The following IQCN variants were observed in gnomAD, a reference collection of about 807,000 sequenced individuals.
IQCN encodes the protein IQ motif containing N.
Under a neutral mutation model 64.4 loss-of-function variants are expected in IQCN, and 46 were observed. That is an observed-to-expected ratio of 0.71 (90% confidence interval 0.56 to 0.91). IQCN has a LOEUF of 0.91. Among genes scored for constraint, IQCN ranks in the 40% least tolerant of loss-of-function variants. The pLI is 0.00. For missense variants in IQCN, 1,753 were observed against 1,857.4 expected, an observed-to-expected ratio of 0.94 and a Z score of 1.03; for synonymous variants, 733 against 775.6, an observed-to-expected ratio of 0.95 and a Z score of 0.91.
chr19:18,265,070 C>T lies in IQCN; in HGVS notation c.2470G>A (p.Ala824Thr). 1.2e-6 allele frequency: 2 copies of T among 1,601,280 alleles called. No individual in the cohort carries two copies. Among genetic ancestry groups the T allele is most frequent in the South Asian group, 1.1e-5 (1 of 91,068 alleles). Residue 824 changes from alanine to threonine, a missense_variant, in exon 3 of 4, where the codon GCA becomes ACA. Transcript: ENST00000392413. The surrounding 1 kb of genome is among the most constrained non-coding windows in gnomAD (Gnocchi z 4.7). Reference protein sequence around the residue: ...GKTTQGGPCPAACEVQGMLVP... With the variant: ...GKTTQGGPCPTACEVQGMLVP... ...AGCATACCCTGGACCTCACAGGCTG[C>T]CGGGCATGGTCCCCCCTGAGTGGTC...
intron 2 of IQCN, among the ~76,000 whole-genome samples, chr19:18,268,174 C>CTGTGTGTGTGTGTG (rs71336668): frequency 6.6e-4 from 89 of 134,490 alleles, no homozygotes; most frequent in East Asian, 6.7e-4. Flanking sequence ...CTGTTTGCCT[C>CTGTGTGTGTGTGTG]TGTGTGTGTG....
At chr19:18,272,889 C>T (rs973223213) in intron 1 of IQCN, among the ~76,000 whole-genome samples, 3 of 151,730 alleles carry the variant, frequency 2.0e-5, no homozygotes, top group Non-Finnish European at 4.4e-5. Flanking sequence ...GGATTACAGG[C>T]GTGAGCCACC....
intron 3 of IQCN, among the ~76,000 whole-genome samples, chr19:18,263,384 G>A (rs762818713): frequency 1.2e-4 from 18 of 152,234 alleles, no homozygotes; most frequent in African/African-American, 1.2e-4. Context: ...CTGGCTCACC[G>A]AGGATGGATG....
chr19:18,258,090 C>G lies in IQCN; in HGVS notation c.3194G>C (p.Gly1065Ala). The change falls in exon 4 of 4, where the codon GGT becomes GCT. Residue 1065 changes from glycine to alanine, a missense_variant. By Grantham distance (60) the Gly-to-Ala change is moderately conservative. Transcript: ENST00000392413. ...PQTSKGPADA[G>A]VVGGQSWNRA... ...GTTCCACGATTGGCCACCAACCACA[C>G]CAGCGTCCGCGGGGCCCTGGAGTAT... The G allele has an allele frequency of 1.2e-6, 2 of 1,610,958 alleles. No homozygotes were observed. The highest frequency in any genetic ancestry group is 1.7e-6 in the Non-Finnish European group (2 of 1,179,994).
rs1969564071 is a variant in IQCN, at chr19:18,265,924, C to G, written c.1616G>C (p.Gly539Ala). 1 of 1,614,206 alleles carries G rather than the reference C, an allele frequency of 6.2e-7. No individual in the cohort carries two copies. Among genetic ancestry groups the G allele is most frequent in the African/African-American group, 1.3e-5 (1 of 75,046 alleles). The change falls in exon 3 of 4, where the codon GGA (glycine) becomes GCA (alanine). Residue 539 changes from glycine (G) to alanine (A), a missense_variant. Coordinates refer to ENST00000392413, the MANE Select transcript of IQCN (RefSeq NM_001145304.2). This position sits in a 1 kb window ranked among gnomAD's most constrained non-coding sequence, Gnocchi z 4.7. ...KAPPQVAVAA[G>A]TPNTSGSIHE... ...GATGGAGCCTGAGGTGTTGGGAGTT[C>G]CGGCTGCTACCGCCACTTGGGGTGG... is the stretch of plus-strand genomic sequence containing the variant.
In IQCN at chr19:18,257,503, G is replaced by C. The variant is rs144107214; in HGVS notation, c.3781C>G (p.Arg1261Gly). The C allele has an allele frequency of 6.2e-7, 1 of 1,610,078 alleles. No homozygotes were observed. The highest frequency in any genetic ancestry group is 8.5e-7 in the Non-Finnish European group (1 of 1,178,700). ...SSPRTCHTCG[R>G]TQPTRVVQGM... is the part of the protein sequence containing the mutation. The stretch of plus-strand genomic sequence containing the variant: ...TGCACCACACGGGTGGGCTGTGTGC[G>C]TCCACAGGTATGACAGGTGCGAGGG... Residue 1261 changes from arginine (R) to glycine (G), a missense_variant, in exon 4 of 4, where the codon CGC becomes GGC. Arg to Gly is a moderately radical substitution (Grantham distance 125, BLOSUM62 -2). Coordinates refer to ENST00000392413, the MANE Select transcript of IQCN (RefSeq NM_001145304.2).
chr19:18,269,422 A>G, intron 2 of IQCN, 44 bp downstream of exon 2: 5 of 1,604,042 alleles, frequency 3.1e-6, no homozygotes, highest in Non-Finnish European at 4.3e-6. Flanking sequence ...CCCTCTCTTC[A>G]GGTTGGACTA....
rs752703118 is a variant in IQCN at position 18,266,245 on chromosome 19, G to C, written c.1295C>G (p.Ser432Cys). Residue 432 changes from serine to cysteine, a missense_variant, in exon 3 of 4, where the codon TCC becomes TGC. Transcript: ENST00000392413. This position sits in a 1 kb window ranked among gnomAD's most constrained non-coding sequence, Gnocchi z 4.3. ...GCTCTTCATGATGGAAGCCAGAAGG[G>C]AAACCTGAGGTCGGTTCTTTGCCGT... ...TITAKNRPQV[S>C]LLASIMKSLP... 19 of 1,613,888 alleles carry C rather than the reference G, an allele frequency of 1.2e-5. No individual in the cohort carries two copies. In the African/African-American group the frequency reaches 1.6e-4, roughly 14 times the overall value.
intron 1 of IQCN, among the ~76,000 whole-genome samples, chr19:18,271,096 C>T (rs1166748358): frequency 1.3e-5 from 2 of 148,892 alleles, no homozygotes; most frequent in East Asian, 3.9e-4. Flanking sequence ...CACTTGAACC[C>T]GAGAGATGGA....
At position 18,257,559 on chromosome 19, in the gene IQCN, G is replaced by A. The variant is rs748635735; in HGVS notation, c.3725C>T (p.Pro1242Leu). ...CHSLSSRIGS[P>L]PSVVMLVGSS... ...GCCCACTAGCATCACCACGCTGGGCGGGCTCCCGATCCTGGAGCTCAGGGA... is the reference window on the plus strand; with the variant it reads ...GCCCACTAGCATCACCACGCTGGGCAGGCTCCCGATCCTGGAGCTCAGGGA... Residue 1242 changes from proline (P) to leucine (L), a missense_variant, in exon 4 of 4, where the codon CCG (proline) becomes CTG (leucine). Coordinates refer to ENST00000392413, the MANE Select transcript of IQCN (RefSeq NM_001145304.2). The A allele has an allele frequency of 2.7e-5, 44 of 1,612,380 alleles. No individual in the cohort carries two copies. In the Admixed American group the frequency reaches 5.7e-4, roughly 21 times the overall value.
intron 1 of IQCN, among the ~76,000 whole-genome samples, chr19:18,272,316 T>C (rs1030215204): frequency 2.0e-4 from 30 of 149,656 alleles, no homozygotes; most frequent in African/African-American, 7.4e-4. Flanking sequence ...TTAGTACAGA[T>C]GGGGTTTCAT....
intron 1 of IQCN, among the ~76,000 whole-genome samples, chr19:18,272,737 A>G (rs1047110359): frequency 1.3e-5 from 2 of 151,372 alleles, no homozygotes; most frequent in African/African-American, 4.9e-5. Context: ...CAGCCTCCTG[A>G]GTAGCTGGGA....
In IQCN at chr19:18,266,460, G is replaced by A. The variant is rs1271850594; in HGVS notation, c.1080C>T (p.Thr360=). 1 of 1,584,286 alleles carries A rather than the reference G, an allele frequency of 6.3e-7. No homozygotes were observed. The highest frequency in any genetic ancestry group is 1.2e-5 in the South Asian group (1 of 86,110). ...LPQTYPASTM[T]TTPPKTSPVP... ...CTGGGCTAGTCTTGGGTGGGGTGGT[G>A]GTCATCGTGGACGCTGGATATGTCT... is the stretch of plus-strand genomic sequence containing the variant. Residue 360 remains threonine (T), a synonymous_variant, in exon 3 of 4, where the codon ACC becomes ACT. Transcript: ENST00000392413. The surrounding 1 kb of genome is among the most constrained non-coding windows in gnomAD (Gnocchi z 4.3).
intron 1 of IQCN, among the ~76,000 whole-genome samples, chr19:18,272,702 C>A (rs1305298675): frequency 6.6e-6 from 1 of 151,054 alleles, no homozygotes; most frequent in East Asian, 2.0e-4. Flanking sequence ...GCTCTGCCTC[C>A]CGGGTTCACG....
In IQCN at chr19:18,257,772, C is replaced by T. The variant is rs1202088585; in HGVS notation, c.3512G>A (p.Arg1171His). ...RATTTIQSAW[R>H]GYSTRRDQAR... ...TTGGTCCCGGCGGGTGCTGTAGCCG[C>T]GCCAGGCAGACTGGATGGTCGTGGT... Residue 1171 changes from arginine (R) to histidine (H), a missense_variant, in exon 4 of 4, where the codon CGC (arginine) becomes CAC (histidine). Coordinates refer to ENST00000392413, the MANE Select transcript of IQCN (RefSeq NM_001145304.2). 7 of 1,611,028 alleles carry T rather than the reference C, an allele frequency of 4.3e-6. No homozygotes were observed. Among genetic ancestry groups the T allele is most frequent in the South Asian group, 2.2e-5 (2 of 90,970 alleles).
At position 18,265,948 on chromosome 19, in the gene IQCN, G is replaced by A; in HGVS notation, c.1592C>T (p.Pro531Leu). 1 of 1,614,202 alleles carries A rather than the reference G, an allele frequency of 6.2e-7. No individual in the cohort carries two copies. Among genetic ancestry groups the A allele is most frequent in the Non-Finnish European group, 8.5e-7 (1 of 1,180,048 alleles). ...TCCGGCTGCTACCGCCACTTGGGGT[G>A]GAGCCTTGACATTTGCCACTGTTGG... is the stretch of plus-strand genomic sequence containing the variant. The part of the protein sequence containing the change: ...ASPTVANVKA[P>L]PQVAVAAGTP... The change falls in exon 3 of 4, where the codon CCA (proline) becomes CTA (leucine). Residue 531 changes from proline (P) to leucine (L), a missense_variant. Transcript: ENST00000392413. This position sits in a 1 kb window ranked among gnomAD's most constrained non-coding sequence, Gnocchi z 4.7.
chr19:18,269,673 A>G, intron 1 of IQCN, 86 bp from the exon 2 acceptor site: 1 of 126,324 alleles, frequency 7.9e-6, no homozygotes, highest in South Asian at 2.6e-4. Context: ...GCTAAATTCT[A>G]AAAAAAAAAA....
In IQCN at chr19:18,264,218, ACC is replaced by A; in HGVS notation, c.3177+143_3177+144del. 1.5e-6 allele frequency: 1 copy of A among 669,910 alleles called. No individual in the cohort carries two copies. The highest frequency in any genetic ancestry group is 2.5e-6 in the Non-Finnish European group (1 of 407,892). 41.5% of individuals were successfully genotyped at this position (669,910 alleles called of 1,614,324 possible). ...CCTGGTGAATGCTGGTGATGACGCT[ACC>A]CATCACCGAGGCTCCCACAGTGACC... is the stretch of plus-strand genomic sequence containing the variant. On this transcript the variant is annotated intron_variant, in intron 3 of 3. Coordinates refer to ENST00000392413, the MANE Select transcript of IQCN (RefSeq NM_001145304.2). This position sits in a 1 kb window ranked among gnomAD's most constrained non-coding sequence, Gnocchi z 4.3.
intron 3 of IQCN, 100 bp from the exon 4 acceptor site, chr19:18,258,206 G>A (rs773433629): frequency 4.5e-6 from 6 of 1,342,976 alleles, no homozygotes; most frequent in Non-Finnish European, 6.3e-6. Context: ...GGTTAAAAAG[G>A]GGTGGCAGGG....
Sources: allele counts gnomAD v4.1 joint callset (sites outside exome capture counted in the v4.1 genomes callset), GRCh38; gene constraint gnomAD v4.1.1; non-coding constraint Gnocchi (gnomAD v3.1); transcripts MANE v1.5; gene names NCBI Gene and HGNC (gene_info 2026-07-23, HGNC 2026-07-21).